The following BBS9 variants were observed in gnomAD, a reference collection of about 807,000 sequenced individuals.
BBS9 encodes the protein Bardet-Biedl syndrome 9.
A neutral mutation model predicts 117.7 loss-of-function variants in BBS9; 89 were observed. The observed-to-expected ratio is 0.76, with a 90% CI of 0.64 to 0.90. The LOEUF is 0.90. Ranked by LOEUF, BBS9 falls within the 40% of genes least tolerant of loss-of-function variation. The probability of loss-of-function intolerance (pLI) is 0.00; values close to 1 mark genes in which losing one functional copy is unlikely to be tolerated. For synonymous variants in BBS9, 379 were observed against 370.9 expected (o/e 1.02, Z -0.25); for missense variants, 982 against 1,042.2 (o/e 0.94, Z 0.80).
intron 21 of BBS9, among the ~76,000 whole-genome samples, chr7:33,633,397 A>T (rs1375269590): frequency 4.6e-5 from 7 of 152,274 alleles, no homozygotes; most frequent in African/African-American, 1.2e-4. Flanking sequence ...ACATATTGGA[A>T]CTATTTCTTG....
At chr7:33,497,226 G>T (rs1015493362) in intron 19 of BBS9, among the ~76,000 whole-genome samples, 1 of 152,168 alleles carries the variant, frequency 6.6e-6, no homozygotes. Flanking sequence ...ATTGAAGTAG[G>T]TCTGTTGTTT....
chr7:33,273,963 GATTTA>G lies in BBS9; in HGVS notation c.1016+14_1016+18del. On this transcript the variant is annotated splice_region_variant and intron_variant, in intron 9 of 22. Transcript: ENST00000242067. ...TAAGAGTGGGCTGTTTGCAGTAAGT[GATTTA>G]ATTTAACACAGTTTTTAAAGAGGAT... 6.2e-7 allele frequency: 1 copy of G among 1,613,504 alleles called. No individual in the cohort carries two copies. Among genetic ancestry groups the G allele is most frequent in the East Asian group, 2.2e-5 (1 of 44,766 alleles).
chr7:33,230,272 A>G (rs1014584791), intron 5 of BBS9, among the ~76,000 whole-genome samples: 3 of 151,802 alleles, frequency 2.0e-5, no homozygotes, highest in African/African-American at 7.3e-5. Context: ...TGATTTATTT[A>G]TTTTTGCTTT....
intron 4 of BBS9, among the ~76,000 whole-genome samples, chr7:33,172,364 G>C (rs1300284917): frequency 6.7e-6 from 1 of 149,996 alleles, no homozygotes; most frequent in Non-Finnish European, 1.5e-5. Context: ...CTGGGTGACA[G>C]AGCGAGACTC....
At chr7:33,444,690 G>A (rs781027762) in intron 19 of BBS9, among the ~76,000 whole-genome samples, 3 of 152,168 alleles carry the variant, frequency 2.0e-5, no homozygotes, top group Non-Finnish European at 2.9e-5. Context: ...TTATGCCAGG[G>A]TCAAGGCTTA....
chr7:33,404,963 A>G (rs1829646350), intron 19 of BBS9, among the ~76,000 whole-genome samples: 1 of 152,112 alleles, frequency 6.6e-6, no homozygotes, highest in African/African-American at 2.4e-5. Flanking sequence ...CCCATTCAGT[A>G]TGATATTGGC....
intron 21 of BBS9, among the ~76,000 whole-genome samples, chr7:33,614,924 T>C (rs970089653): frequency 6.6e-6 from 1 of 152,092 alleles, no homozygotes; most frequent in Non-Finnish European, 1.5e-5. Context: ...CATAAACTAC[T>C]GGAGTTTTAA....
At chr7:33,292,890 C>T (rs1222956652) in intron 9 of BBS9, among the ~76,000 whole-genome samples, 2 of 151,664 alleles carry the variant, frequency 1.3e-5, no homozygotes, top group Non-Finnish European at 2.9e-5. Flanking sequence ...CCTGTAATCC[C>T]AGGTGCTCGG....
At chr7:33,239,979 G>T (rs1403973128) in intron 5 of BBS9, among the ~76,000 whole-genome samples, 3 of 152,124 alleles carry the variant, frequency 2.0e-5, no homozygotes, top group Non-Finnish European at 2.9e-5. Flanking sequence ...TCCAGTCTGG[G>T]TGACAGAGCA....
rs147365773 is a variant in BBS9 at position 33,173,712 on chromosome 7, G to A, written c.329-3766G>A. 1.9e-4 allele frequency among the ~76,000 whole-genome samples: 29 copies of A among 152,054 alleles called. No homozygotes were observed. In the East Asian group the frequency reaches 5.4e-3, roughly 28 times the overall value. On this transcript the variant is annotated intron_variant, in intron 4 of 22. Transcript: ENST00000242067. ...TGTTCATTTGGAACATTCCACATTT[G>A]TAACTTATCTTTAGTAATATTTTGC...
intron 5 of BBS9, among the ~76,000 whole-genome samples, chr7:33,226,329 A>G (rs1187246250): frequency 2.6e-5 from 4 of 152,156 alleles, no homozygotes; most frequent in Admixed American, 1.3e-4. Flanking sequence ...TTAAACAAAT[A>G]CACAGGTCTA....
At chr7:33,252,914 C>T (rs771963349) in intron 5 of BBS9, among the ~76,000 whole-genome samples, 36 of 151,728 alleles carry the variant, frequency 2.4e-4, no homozygotes, top group Non-Finnish European at 4.3e-4. Flanking sequence ...AAATGAAAAC[C>T]CATATTTCTA....
intron 21 of BBS9, among the ~76,000 whole-genome samples, chr7:33,590,737 C>T (rs558513051): frequency 7.2e-5 from 11 of 151,816 alleles, no homozygotes; most frequent in Admixed American, 1.3e-4. Flanking sequence ...CCATTTGAAG[C>T]GCTTTACATC....
At chr7:33,535,632 G>A (rs1563321677) in intron 21 of BBS9, among the ~76,000 whole-genome samples, 1 of 152,046 alleles carries the variant, frequency 6.6e-6, no homozygotes, top group Non-Finnish European at 1.5e-5. Flanking sequence ...TTCATCTTCT[G>A]TCCACTGTTA....
intron 21 of BBS9, among the ~76,000 whole-genome samples, chr7:33,580,122 C>T: frequency 6.6e-6 from 1 of 151,938 alleles, no homozygotes; most frequent in Non-Finnish European, 1.5e-5. Context: ...TACCCCCCTA[C>T]TTTATAGATG....
chr7:33,632,334 G>A (rs907125522), intron 21 of BBS9, among the ~76,000 whole-genome samples: 2 of 152,106 alleles, frequency 1.3e-5, no homozygotes, highest in African/African-American at 4.8e-5. Flanking sequence ...TGGGGGGATC[G>A]CTGCTTTCCA....
chr7:33,298,474 A>C (rs180768152), intron 9 of BBS9, among the ~76,000 whole-genome samples: 1 of 152,202 alleles, frequency 6.6e-6, no homozygotes, highest in Non-Finnish European at 1.5e-5. Flanking sequence ...CACATTTACC[A>C]ATATGCCCAC....
intron 9 of BBS9, among the ~76,000 whole-genome samples, chr7:33,325,037 C>T (rs1352031424): frequency 6.6e-6 from 1 of 152,142 alleles, no homozygotes. Context: ...TTGTGAAGTT[C>T]TGTTATTATC....
intron 19 of BBS9, among the ~76,000 whole-genome samples, chr7:33,441,766 T>G (rs903661056): frequency 6.6e-6 from 1 of 152,202 alleles, no homozygotes; most frequent in Admixed American, 6.5e-5. Context: ...AAGAATCCAT[T>G]ATGAGGACTT....
Sources: gnomAD v4.1 joint callset for allele counts (sites outside exome capture counted in the v4.1 genomes callset) on GRCh38, gnomAD v4.1.1 for gene constraint, MANE v1.5 for transcripts, NCBI Gene and HGNC (gene_info 2026-07-23, HGNC 2026-07-21) for gene names.